ERCC1: variants seen among roughly 807,000 people sequenced by gnomAD.
ERCC1 encodes the protein DNA excision repair protein ERCC-1.
ERCC1 carries 36 observed loss-of-function variants against 37.6 expected under a neutral mutation model. The observed-to-expected ratio is 0.96, with a 90% confidence interval of 0.73 to 1.26. The LOEUF (loss-of-function observed/expected upper bound fraction) is 1.26. ERCC1 is among the 50% of genes most tolerant of loss of function. The probability of loss-of-function intolerance (pLI) is 0.00; values close to 1 mark genes in which losing one functional copy is unlikely to be tolerated. For synonymous variants in ERCC1, 156 were observed against 162.1 expected (o/e 0.96, Z 0.28); for missense variants, 349 against 376.5 (o/e 0.93, Z 0.60).
chr19:45,448,467 G>A (rs1333617399), intron 1 of ERCC1, among the ~76,000 whole-genome samples: 3 of 152,070 alleles, frequency 2.0e-5, no homozygotes, highest in Non-Finnish European at 4.4e-5. Context: ...CCCAGAAAGG[G>A]ACTCACGGGA....
chr19:45,423,611 C>G, intron 1 of ERCC1, 170 bp downstream of exon 1: 5 of 1,389,624 alleles, frequency 3.6e-6, no homozygotes, highest in Non-Finnish European at 4.7e-6. Flanking sequence ...CCCCTCGCCC[C>G]CACCGGATTC....
At chr19:45,439,020 C>G (rs1599861525) in intron 1 of ERCC1, among the ~76,000 whole-genome samples, 2 of 151,940 alleles carry the variant, frequency 1.3e-5, no homozygotes, top group East Asian at 3.9e-4. Context: ...AACCCCATCT[C>G]TACTAAAAAT....
At position 45,408,114 on chromosome 19, in the gene ERCC1, T is replaced by C; in HGVS notation, c.*1561A>G. On this transcript the variant is annotated 3_prime_UTR_variant, in exon 10 of 10. Coordinates refer to ENST00000300853, the MANE Select transcript of ERCC1 (RefSeq NM_001983.4). ...TCCTGTTCCACTTAAGCCTCTGCCC[T>C]CCCTGTTTCTCTCTGTAGCTTCAAT... is the stretch of plus-strand genomic sequence containing the variant. 6.4e-7 allele frequency: 1 copy of C among 1,572,852 alleles called. No homozygotes were observed. The highest frequency in any genetic ancestry group is 8.7e-7 in the Non-Finnish European group (1 of 1,155,776).
In ERCC1 at chr19:45,432,123, C is replaced by T. The variant is rs150535879; in HGVS notation, c.-7-8742G>A. 2.4e-3 allele frequency among the ~76,000 whole-genome samples: 367 copies of T among 151,972 alleles called. 1 individual carries two copies. The highest frequency in any genetic ancestry group is 8.3e-3 in the African/African-American group (344 of 41,486). The stretch of plus-strand genomic sequence containing the variant: ...AGTAGCTGGGACTACAGGCATGTGC[C>T]GCCACACCGGGCTAATTTTTCATAT... On this transcript the variant is annotated intron_variant, in intron 1 of 8. Coordinates refer to the ERCC1 transcript ENST00000423698.
Position 45,423,885 on chromosome 19 carries a change from CGGCCAGCGT to C in ERCC1, c.-121_-113del, listed in dbSNP as rs2123544656. 9.1e-7 allele frequency: 1 copy of C among 1,103,384 alleles called. No individual in the cohort carries two copies. 68.3% of individuals were successfully genotyped at this position (1,103,384 alleles called of 1,614,324 possible). On this transcript the variant is annotated 5_prime_UTR_variant, in exon 1 of 10. Transcript: ENST00000300853. Reference sequence around the variant, plus strand: ...GGATCGAGGCGGCCCACTGCCAGCACGGCCAGCGTGGCCCAGGGCTCGCAGCACTTCCGG... The same window carrying C: ...GGATCGAGGCGGCCCACTGCCAGCACGGCCCAGGGCTCGCAGCACTTCCGG...
chr19:45,424,897 G>T (rs557713385), upstream of ERCC1, among the ~76,000 whole-genome samples: 1 of 149,642 alleles, frequency 6.7e-6, no homozygotes, highest in East Asian at 2.0e-4. Flanking sequence ...ATAACCCAGG[G>T]TCATAATGAT....
Position 45,414,957 on chromosome 19 carries a change from G to C in ERCC1, c.606C>G (p.Pro202=). The C allele has an allele frequency of 6.2e-7, 1 of 1,612,526 alleles. No individual in the cohort carries two copies. The highest frequency in any genetic ancestry group is 1.1e-5 in the South Asian group (1 of 91,048). ...TCTCCAGGTACCGCCCAGCTTCCTC[G>C]GGGCTGGGATAACAGGATACAGGGC... The part of the protein sequence containing the change: ...ADCTLILAWS[P]EEAGRYLETY... The change falls in exon 7 of 10, where the codon CCC becomes CCG. Residue 202 remains proline, a synonymous_variant. Coordinates refer to ENST00000300853, the MANE Select transcript of ERCC1 (RefSeq NM_001983.4).
intron 1 of ERCC1, among the ~76,000 whole-genome samples, chr19:45,445,885 AT>A (rs1966925418): frequency 2.0e-5 from 3 of 151,880 alleles, no homozygotes; most frequent in African/African-American, 7.3e-5. Flanking sequence ...TTGTTAATTA[AT>A]TTATTTATTT....
At position 45,421,344 on chromosome 19, in the gene ERCC1, G is replaced by C; in HGVS notation, c.155C>G (p.Ser52Trp). 1.2e-6 allele frequency: 2 copies of C among 1,613,970 alleles called. No homozygotes were observed. The highest frequency in any genetic ancestry group is 2.2e-5 in the South Asian group (2 of 91,062). ...GTAGGTCTGAGGGGCCGCCTGGGCC[G>C]AGGTGTCCACAGTGGGAAGGCTCTG... Reference protein sequence around the residue: ...STQSLPTVDTSAQAAPQTYAE... With the variant: ...STQSLPTVDTWAQAAPQTYAE... Residue 52 changes from serine (S) to tryptophan (W), a missense_variant, in exon 3 of 10, where the codon TCG (serine) becomes TGG (tryptophan). Transcript: ENST00000300853.
chr19:45,444,391 C>G (rs1263885817), intron 1 of ERCC1, among the ~76,000 whole-genome samples: 2 of 151,618 alleles, frequency 1.3e-5, no homozygotes, highest in Non-Finnish European at 2.9e-5. Flanking sequence ...AGGCCGCCCC[C>G]CCGCGGTGGC....
chr19:45,439,916 T>C (rs989163247), intron 1 of ERCC1, among the ~76,000 whole-genome samples: 23 of 152,166 alleles, frequency 1.5e-4, no homozygotes, highest in African/African-American at 3.9e-4. Flanking sequence ...CGTCCATTTT[T>C]ACCCCAGCTC....
At chr19:45,451,333 A>G (rs1281379739) in intron 1 of ERCC1, among the ~76,000 whole-genome samples, 1 of 152,044 alleles carries the variant, frequency 6.6e-6, no homozygotes, top group East Asian at 1.9e-4. Flanking sequence ...TCTGCCTTGG[A>G]CTGCCGGATT....
In ERCC1 at chr19:45,422,760, A is replaced by AAAAT. The variant is rs369407760; in HGVS notation, c.105+506_105+509dup. 5.5e-3 allele frequency among the ~76,000 whole-genome samples: 838 copies of AAAAT among 151,972 alleles called. 4 individuals carry two copies. Among genetic ancestry groups the AAAAT allele is most frequent in the South Asian group, 0.024 (114 of 4,808 alleles). Reference sequence around the variant, plus strand: ...CAAAAGAGCGAGACTCTGTCTCAAAAAAATAAATAAATAAATAAATAAATA... The same window carrying AAAAT: ...CAAAAGAGCGAGACTCTGTCTCAAAAAAATAAATAAATAAATAAATAAATAAATA... On this transcript the variant is annotated intron_variant, in intron 2 of 9. Transcript: ENST00000300853.
chr19:45,422,744 G>C (rs1327592254), intron 2 of ERCC1, among the ~76,000 whole-genome samples: 2 of 152,026 alleles, frequency 1.3e-5, no homozygotes, highest in African/African-American at 2.4e-5. Context: ...GCAAAAGAGC[G>C]AGACTCTGTC....
At chr19:45,438,487 G>T (rs1433665924) in intron 1 of ERCC1, among the ~76,000 whole-genome samples, 1 of 152,026 alleles carries the variant, frequency 6.6e-6, no homozygotes, top group Non-Finnish European at 1.5e-5. Context: ...TTTTAAGACA[G>T]TCTCACTCTG....
chr19:45,448,355 G>A (rs1967011613), intron 1 of ERCC1, among the ~76,000 whole-genome samples: 1 of 152,182 alleles, frequency 6.6e-6, no homozygotes, highest in African/African-American at 2.4e-5. Context: ...ACAGCAGTCA[G>A]CTGCGAGGGG....
At position 45,417,645 on chromosome 19, in the gene ERCC1, C is replaced by T. The variant is rs191885437; in HGVS notation, c.526-748G>A. ...GGAGGTCACACAGGGCCCCATAGGTCATGGAAGGGAGCAGAACTTTCTCCT... is the reference window on the plus strand; with the variant it reads ...GGAGGTCACACAGGGCCCCATAGGTTATGGAAGGGAGCAGAACTTTCTCCT... On this transcript the variant is annotated intron_variant, in intron 5 of 9. Transcript: ENST00000300853. Among the ~76,000 whole-genome samples the T allele has an allele frequency of 1.4e-4, 22 of 152,112 alleles. No individual in the cohort carries two copies. In the East Asian group the frequency reaches 4.3e-3, roughly 29 times the overall value.
chr19:45,419,099 A>G lies in ERCC1; in HGVS notation c.524T>C (p.Val175Ala), dbSNP rs1974239536. The change falls in exon 5 of 10, where the codon GTG (valine) becomes GCG (alanine). Residue 175 changes from valine to alanine, a missense_variant and splice_region_variant. By Grantham distance (64) the Val-to-Ala change is moderately conservative. Coordinates refer to ENST00000300853, the MANE Select transcript of ERCC1 (RefSeq NM_001983.4). ...GGCTAGGGAGCAGCCCCTGCTTACC[A>G]CATCCACCTGGACAAGCAGGACCCG... Reference protein sequence around the residue: ...ALRVLLVQVDVKDPQQALKEL... With the variant: ...ALRVLLVQVDAKDPQQALKEL... The G allele has an allele frequency of 6.4e-7, 1 of 1,569,068 alleles. No homozygotes were observed.
upstream of ERCC1, among the ~76,000 whole-genome samples, chr19:45,428,585 T>C (rs2123563072): frequency 6.6e-6 from 1 of 152,208 alleles, no homozygotes; most frequent in South Asian, 2.1e-4. Context: ...CCTGCTCCCA[T>C]CCCAAACCTT....
Sources: allele counts gnomAD v4.1 joint callset (sites outside exome capture counted in the v4.1 genomes callset), GRCh38; gene constraint gnomAD v4.1.1; transcripts MANE v1.5; gene names NCBI Gene and HGNC (gene_info 2026-07-23, HGNC 2026-07-21).